HMGXB4: variants seen among roughly 807,000 people sequenced by gnomAD.
The protein encoded by HMGXB4 is HMG-box containing 4, also known as HMG domain-containing protein 4.
In HMGXB4, 27 loss-of-function variants were observed where a neutral mutation model predicts 63.9. That is an observed-to-expected ratio of 0.42 (90% CI 0.31 to 0.58). The LOEUF is 0.58. Among genes scored for constraint, HMGXB4 ranks in the 20% least tolerant of loss-of-function variants. The pLI, the probability that HMGXB4 is intolerant of heterozygous loss-of-function variation, is 0.13. For missense variants in HMGXB4, 624 were observed against 700.7 expected (o/e 0.89, Z 1.24); for synonymous variants, 264 against 265.3 (o/e 0.99, Z 0.05).
chr22:35,254,860 T>C (rs773091794), upstream of HMGXB4, among the ~76,000 whole-genome samples: 3 of 152,198 alleles, frequency 2.0e-5, no homozygotes, highest in Non-Finnish European at 4.4e-5. Context: ...GAGCTTAAAA[T>C]GAGCAAGAAC....
chr22:35,282,476 T>C (rs1249759499), intron 5 of HMGXB4, among the ~76,000 whole-genome samples: 2 of 152,314 alleles, frequency 1.3e-5, no homozygotes, highest in African/African-American at 4.8e-5. Flanking sequence ...CATGTCATTT[T>C]AATAACTGTA....
At chr22:35,281,945 T>G (rs1025736037) in intron 5 of HMGXB4, among the ~76,000 whole-genome samples, 1 of 152,160 alleles carries the variant, frequency 6.6e-6, no homozygotes, top group Non-Finnish European at 1.5e-5. Flanking sequence ...CACATAAGCT[T>G]TTTATTGCCA....
At chr22:35,290,459 C>T (rs1400702366) in intron 9 of HMGXB4, among the ~76,000 whole-genome samples, 10 of 151,874 alleles carry the variant, frequency 6.6e-5, no homozygotes, top group Admixed American at 3.3e-4. Context: ...TCCTGGCAAA[C>T]GTGGTGAAAC....
rs751647131 is a variant in HMGXB4, at chr22:35,265,060, A to C, written c.672A>C (p.Ser224=). 3.8e-5 allele frequency: 61 copies of C among 1,613,956 alleles called. No individual in the cohort carries two copies. The Middle Eastern group carries it at 9.9e-4, about 26-fold the overall frequency. The change falls in exon 5 of 11, where the codon TCA becomes TCC. Residue 224 remains serine (S), a synonymous_variant. Transcript: ENST00000216106. The part of the protein sequence containing the change: ...PSQQATVKKS[S]KKSARDEQGA... Reference sequence around the variant, plus strand: ...AACAAGCGACTGTGAAAAAATCCTCAAAGAAATCAGCTCGGGATGAGCAGG... The same window carrying C: ...AACAAGCGACTGTGAAAAAATCCTCCAAGAAATCAGCTCGGGATGAGCAGG...
intron 5 of HMGXB4, among the ~76,000 whole-genome samples, chr22:35,272,221 A>C (rs927059735): frequency 6.6e-6 from 1 of 152,200 alleles, no homozygotes; most frequent in South Asian, 2.1e-4. Flanking sequence ...CAGTTTCAAG[A>C]GTAGAACAAT....
upstream of HMGXB4, among the ~76,000 whole-genome samples, chr22:35,255,649 A>C (rs1478898292): frequency 1.3e-5 from 2 of 152,230 alleles, no homozygotes; most frequent in Non-Finnish European, 2.9e-5. Flanking sequence ...ACGTCAAAGG[A>C]CCAGCTTGAG....
intron 1 of HMGXB4, among the ~76,000 whole-genome samples, chr22:35,261,536 G>A (rs1922857307): frequency 6.6e-6 from 1 of 151,146 alleles, no homozygotes; most frequent in South Asian, 2.1e-4. Flanking sequence ...AAAAAAGGTT[G>A]TAAAAATTCA....
upstream of HMGXB4, among the ~76,000 whole-genome samples, chr22:35,253,918 T>C (rs1346826273): frequency 2.0e-5 from 3 of 152,178 alleles, no homozygotes; most frequent in African/African-American, 7.2e-5. Context: ...ACACACAGAC[T>C]GAGAATCTGT....
intron 5 of HMGXB4, among the ~76,000 whole-genome samples, chr22:35,277,108 C>A (rs8141767): frequency 7.0e-6 from 1 of 143,602 alleles, no homozygotes; most frequent in Non-Finnish European, 1.5e-5. Context: ...GGACTCAACT[C>A]GGTTCTCTGC....
chr22:35,258,954 G>T (rs1215573312), intron 1 of HMGXB4, among the ~76,000 whole-genome samples: 1 of 152,136 alleles, frequency 6.6e-6, no homozygotes, highest in Non-Finnish European at 1.5e-5. Flanking sequence ...GTTGTTGATT[G>T]CAGGAGCTCA....
At chr22:35,261,367 C>G (rs1170344440) in intron 1 of HMGXB4, among the ~76,000 whole-genome samples, 1 of 148,240 alleles carries the variant, frequency 6.7e-6, no homozygotes, top group Non-Finnish European at 1.5e-5. Context: ...ACCCGGGAGG[C>G]GGAGGTTGCA....
Position 35,264,872 on chromosome 22 carries a change from G to T in HMGXB4, c.484G>T (p.Glu162Ter). Residue 162 changes from glutamate (E) to a stop codon, truncating the protein, a stop_gained, in exon 5 of 11, where the codon GAG (glutamate) becomes TAG (stop). Coordinates refer to ENST00000216106, the MANE Select transcript of HMGXB4 (RefSeq NM_001003681.3). LOFTEE classifies it high-confidence loss of function. ...TGGAAGCAGTGGGGAACTACCCCTAGAGGATGGTGGCTCCCACAAATCGAA... is the reference window on the plus strand; with the variant it reads ...TGGAAGCAGTGGGGAACTACCCCTATAGGATGGTGGCTCCCACAAATCGAA... The part of the protein sequence containing the change: ...VSGSSGELPL[E>*]DGGSHKSKKM... 2.5e-6 allele frequency: 4 copies of T among 1,614,116 alleles called. No individual in the cohort carries two copies. Among genetic ancestry groups the T allele is most frequent in the Non-Finnish European group, 3.4e-6 (4 of 1,179,980 alleles).
the HMGXB4 span, among the ~76,000 whole-genome samples, chr22:35,251,834 C>T: frequency 9.2e-5 from 14 of 152,130 alleles, no homozygotes; most frequent in Non-Finnish European, 1.9e-4. Context: ...CATCTGCCAC[C>T]TCCCAAAGTT....
At chr22:35,255,332 C>A (rs898599261), upstream of HMGXB4, among the ~76,000 whole-genome samples, 1 of 151,206 alleles carries the variant, frequency 6.6e-6, no homozygotes, top group Admixed American at 6.6e-5. Context: ...AAAAAAACAA[C>A]AAAAAAAACC....
chr22:35,262,267 T>C, intron 1 of HMGXB4, 56 bp from the exon 2 acceptor site: 1 of 944,370 alleles, frequency 1.1e-6, no homozygotes, highest in Admixed American at 1.8e-5. Flanking sequence ...ATCTGGAAGG[T>C]TGCTTCTCCT....
At chr22:35,250,267 G>A in the HMGXB4 span, among the ~76,000 whole-genome samples, 19 of 152,264 alleles carry the variant, frequency 1.2e-4, no homozygotes, top group Admixed American at 1.3e-4. Context: ...GGTTTACTTG[G>A]CTCACAGTTC....
chr22:35,289,839 C>T lies in HMGXB4; in HGVS notation c.1638+1432C>T, dbSNP rs564487671. On this transcript the variant is annotated intron_variant, in intron 9 of 10. Coordinates refer to ENST00000216106, the MANE Select transcript of HMGXB4 (RefSeq NM_001003681.3). ...AGCTAACTCATTAGTATAGTAGTTC[C>T]GCTTTCCACCAAGTTCTAGTAAGAC... is the stretch of plus-strand genomic sequence containing the variant. Among the ~76,000 whole-genome samples, 7 of 152,268 alleles carry T rather than the reference C, an allele frequency of 4.6e-5. No individual in the cohort carries two copies. The South Asian group carries it at 1.2e-3, about 27-fold the overall frequency.
intron 5 of HMGXB4, among the ~76,000 whole-genome samples, chr22:35,269,265 C>G (rs1923453617): frequency 6.6e-6 from 1 of 152,226 alleles, no homozygotes. Flanking sequence ...GTAATCTCAG[C>G]TGCTCTGGAG....
In HMGXB4 at chr22:35,265,181, G is replaced by A. The variant is rs777204741; in HGVS notation, c.793G>A (p.Glu265Lys). 11 of 1,614,014 alleles carry A rather than the reference G, an allele frequency of 6.8e-6. No individual in the cohort carries two copies. Among genetic ancestry groups the A allele is most frequent in the Non-Finnish European group, 9.3e-6 (11 of 1,180,026 alleles). ...AGACGCACATTCATCTCCTGGCCCT[G>A]AAGGCTGTGGGTCTGACGCCTCCCA... ...SSDAHSSPGP[E>K]GCGSDASQFA... Residue 265 changes from glutamate (E) to lysine (K), a missense_variant, in exon 5 of 11, where the codon GAA becomes AAA. This residue lies in a region of HMGXB4 where 472 missense variants were observed against 470.6 expected (regional missense o/e 1.00). Coordinates refer to ENST00000216106, the MANE Select transcript of HMGXB4 (RefSeq NM_001003681.3).
Sources: gnomAD v4.1 joint callset for allele counts (sites outside exome capture counted in the v4.1 genomes callset) on GRCh38, gnomAD v4.1.1 for gene constraint, gnomAD v4.1.1 regional missense constraint, MANE v1.5 for transcripts, NCBI Gene and HGNC (gene_info 2026-07-23, HGNC 2026-07-21) for gene names.